The following CTNNA3 variants were observed in gnomAD, a reference collection of about 807,000 sequenced individuals.
CTNNA3 encodes the protein catenin alpha-3.
In CTNNA3, 76 loss-of-function variants were observed where a neutral mutation model predicts 95.7. That is an observed-to-expected ratio of 0.79 (90% CI 0.66 to 0.96). CTNNA3 has a LOEUF of 0.96. Ranked by LOEUF, CTNNA3 falls within the 40% of genes least tolerant of loss-of-function variation. The pLI, the probability that CTNNA3 is intolerant of heterozygous loss-of-function variation, is 0.00. For synonymous variants in CTNNA3, 431 were observed against 374.4 expected, an observed-to-expected ratio of 1.15 and a Z score of -1.74; for missense variants, 1,191 against 1,089.8, an observed-to-expected ratio of 1.09 and a Z score of -1.31.
At chr10:65,931,408 A>T (rs1457380140) in intron 17 of CTNNA3, among the ~76,000 whole-genome samples, 2 of 152,214 alleles carry the variant, frequency 1.3e-5, no homozygotes, top group Non-Finnish European at 2.9e-5. Context: ...CAGCAGCATT[A>T]ACTCATACCA....
chr10:66,902,059 C>T (rs1845771559), intron 7 of CTNNA3, among the ~76,000 whole-genome samples: 1 of 152,180 alleles, frequency 6.6e-6, no homozygotes, highest in Non-Finnish European at 1.5e-5. Flanking sequence ...ACTCTCCACC[C>T]CAAATCAACA....
At chr10:66,254,566 AAT>A (rs1482849106) in intron 13 of CTNNA3, among the ~76,000 whole-genome samples, 1 of 152,084 alleles carries the variant, frequency 6.6e-6, no homozygotes, top group East Asian at 1.9e-4. Flanking sequence ...CTTTCTATCT[AAT>A]AAAACCTTCC....
chr10:67,444,406 G>T lies in CTNNA3; in HGVS notation c.579+77436C>A, dbSNP rs1457587012. Reference sequence around the variant, plus strand: ...AAACACAGTGAAAGTAGCTCCAGGAGGCAAGTTCATACCTATAAATGCCTA... The same window carrying T: ...AAACACAGTGAAAGTAGCTCCAGGATGCAAGTTCATACCTATAAATGCCTA... On this transcript the variant is annotated intron_variant, in intron 5 of 17. Transcript: ENST00000433211. Among the ~76,000 whole-genome samples, 10 of 151,900 alleles carry T rather than the reference G, an allele frequency of 6.6e-5. 1 individual carries two copies. Among genetic ancestry groups the T allele is most frequent in the Admixed American group, 6.6e-4 (10 of 15,230 alleles).
chr10:66,354,301 A>C (rs886797173), intron 12 of CTNNA3, among the ~76,000 whole-genome samples: 1 of 131,012 alleles, frequency 7.6e-6, no homozygotes, highest in African/African-American at 2.6e-5. Flanking sequence ...AAAAAAAAAA[A>C]GTCTATGAAC....
intron 10 of CTNNA3, among the ~76,000 whole-genome samples, chr10:66,562,946 AT>A (rs1256410067): frequency 6.6e-6 from 1 of 152,054 alleles, no homozygotes; most frequent in Non-Finnish European, 1.5e-5. Flanking sequence ...CATTAAAATA[AT>A]TTTTCGTGAA....
chr10:67,454,572 C>T (rs1022948774), intron 5 of CTNNA3, among the ~76,000 whole-genome samples: 9 of 152,086 alleles, frequency 5.9e-5, no homozygotes, highest in South Asian at 2.1e-4. Context: ...ATGCTGGCCT[C>T]GCATCAAAAG....
chr10:66,215,394 T>C (rs79066063), intron 13 of CTNNA3, among the ~76,000 whole-genome samples: 7,069 of 152,206 alleles, frequency 0.046, 353 homozygotes, highest in African/African-American at 0.11. Flanking sequence ...AATTCCCAAT[T>C]TACATATGAT....
intron 13 of CTNNA3, among the ~76,000 whole-genome samples, chr10:66,172,048 C>G (rs1446061371): frequency 2.0e-5 from 3 of 152,010 alleles, no homozygotes; most frequent in African/African-American, 7.2e-5. Context: ...AATACACTGG[C>G]GTTGTTTGAT....
chr10:66,379,058 C>A, intron 12 of CTNNA3, 94 bp downstream of exon 12: 1 of 1,101,756 alleles, frequency 9.1e-7, no homozygotes, highest in Non-Finnish European at 1.4e-6. Flanking sequence ...AAAGAAGCAA[C>A]ACAGACTAGA....
chr10:66,224,050 A>G (rs1274413024), intron 13 of CTNNA3, among the ~76,000 whole-genome samples: 1 of 152,080 alleles, frequency 6.6e-6, no homozygotes, highest in African/African-American at 2.4e-5. Flanking sequence ...AAAAATAAAT[A>G]AAAATGTAAA....
At chr10:65,940,713 C>A (rs1266435881) in intron 17 of CTNNA3, among the ~76,000 whole-genome samples, 1 of 152,094 alleles carries the variant, frequency 6.6e-6, no homozygotes, top group Admixed American at 6.5e-5. Context: ...ATACTCTAAG[C>A]AGTTGAGGGA....
At chr10:66,502,947 T>G (rs1840328947) in intron 11 of CTNNA3, among the ~76,000 whole-genome samples, 1 of 146,740 alleles carries the variant, frequency 6.8e-6, no homozygotes, top group Non-Finnish European at 1.5e-5. Flanking sequence ...ATTATCAGAT[T>G]TTTTTTACTT....
At chr10:66,344,965 T>C (rs561185151) in intron 12 of CTNNA3, among the ~76,000 whole-genome samples, 1 of 152,116 alleles carries the variant, frequency 6.6e-6, no homozygotes, top group Non-Finnish European at 1.5e-5. Flanking sequence ...ATTAACTATA[T>C]TTAATTTAAT....
chr10:66,369,118 C>A (rs1183273504), intron 12 of CTNNA3, among the ~76,000 whole-genome samples: 1 of 152,084 alleles, frequency 6.6e-6, no homozygotes, highest in African/African-American at 2.4e-5. Context: ...GTTACTAATA[C>A]ATTTCAGGAG....
At position 67,234,059 on chromosome 10, in the gene CTNNA3, T is replaced by C. The variant is rs180904612; in HGVS notation, c.580-14189A>G. 5.3e-3 allele frequency among the ~76,000 whole-genome samples: 809 copies of C among 152,236 alleles called. 4 individuals carry two copies. The highest frequency in any genetic ancestry group is 0.019 in the South Asian group (91 of 4,820). On this transcript the variant is annotated intron_variant, in intron 5 of 17. Transcript: ENST00000433211. ...CAAAAAGAGTCCAGGACCAGCTGGATTCACAGCCGAATTCTACAAGAGGTA... is the reference window on the plus strand; with the variant it reads ...CAAAAAGAGTCCAGGACCAGCTGGACTCACAGCCGAATTCTACAAGAGGTA...
At chr10:67,268,526 C>T (rs370358272) in intron 5 of CTNNA3, among the ~76,000 whole-genome samples, 17 of 151,976 alleles carry the variant, frequency 1.1e-4, no homozygotes, top group African/African-American at 3.9e-4. Flanking sequence ...AACAAACAAA[C>T]AAAAAAGCTT....
chr10:66,290,620 G>A (rs1390586058), intron 12 of CTNNA3, among the ~76,000 whole-genome samples: 2 of 152,024 alleles, frequency 1.3e-5, no homozygotes, highest in Non-Finnish European at 2.9e-5. Flanking sequence ...TTCTTCATAA[G>A]ACTATTTATT....
intron 13 of CTNNA3, among the ~76,000 whole-genome samples, chr10:66,144,339 CTTATT>C (rs765578440): frequency 3.9e-5 from 6 of 151,990 alleles, no homozygotes; most frequent in African/African-American, 7.2e-5. Context: ...ACATGTATTG[CTTATT>C]TTATTTTATC....
chr10:66,401,518 A>AACACACACACACAC (rs140986771), intron 11 of CTNNA3, among the ~76,000 whole-genome samples: 2,731 of 143,882 alleles, frequency 0.019, 32 homozygotes, highest in Middle Eastern at 0.025. Context: ...TGTGTCTCAA[A>AACACACACACACAC]ACACACACAC....
Sources: allele counts gnomAD v4.1 joint callset (sites outside exome capture counted in the v4.1 genomes callset), GRCh38; gene constraint gnomAD v4.1.1; transcripts MANE v1.5; gene names NCBI Gene and HGNC (gene_info 2026-07-23, HGNC 2026-07-21).